Variants in RETREG1 observed in about 807,000 individuals in gnomAD.
The protein encoded by RETREG1 is family with sequence similarity 134 member B.
Under a neutral mutation model 54.8 loss-of-function variants are expected in RETREG1, and 44 were observed. That is an observed-to-expected ratio of 0.80 (90% confidence interval 0.63 to 1.03). RETREG1 has a LOEUF of 1.03. RETREG1 is among the 50% of genes least tolerant of loss of function. RETREG1 has a pLI of 0.00. For synonymous variants in RETREG1, 217 were observed against 238.5 expected, an observed-to-expected ratio of 0.91 and a Z score of 0.83; for missense variants, 554 against 605.1, an observed-to-expected ratio of 0.92 and a Z score of 0.89.
In RETREG1 at chr5:16,483,357, T is replaced by C; in HGVS notation, c.574A>G (p.Ser192Gly). ...ACTGGAAAACTTGCCTTGCCAGGGC[T>C]CTGCTGTTTAAAAAGAGACATTTCT... ...LQEMSLFKQQ[S>G]PGKFCLLVCS... Residue 192 changes from serine to glycine, a missense_variant, in exon 4 of 9, where the codon AGC (serine) becomes GGC (glycine). By Grantham distance (56) the Ser-to-Gly change is moderately conservative (BLOSUM62 0). Transcript: ENST00000306320. The C allele has an allele frequency of 1.2e-6, 2 of 1,613,332 alleles. No individual in the cohort carries two copies. The highest frequency in any genetic ancestry group is 1.7e-6 in the Non-Finnish European group (2 of 1,179,368).
intron 1 of RETREG1, among the ~76,000 whole-genome samples, chr5:16,581,603 C>T (rs1299359276): frequency 3.3e-5 from 5 of 151,796 alleles, no homozygotes; most frequent in South Asian, 2.1e-4. Flanking sequence ...TGTCTTTATC[C>T]GAATTAGCCC....
chr5:16,578,532 C>A (rs1257568013), intron 1 of RETREG1, among the ~76,000 whole-genome samples: 1 of 152,194 alleles, frequency 6.6e-6, no homozygotes. Context: ...GATCCTGACA[C>A]TGGCACGCTG....
Position 16,481,009 on chromosome 5 carries a change from A to G in RETREG1, c.670T>C (p.Leu224=). Residue 224 remains leucine, a splice_region_variant and synonymous_variant, in exon 5 of 9, where the codon TTA becomes CTA. Coordinates refer to ENST00000306320, the MANE Select transcript of RETREG1 (RefSeq NM_001034850.3). ...TAGCCATATGTTCTACTATACTTAC[A>G]CAGTAGATAGCTGAGTATAACCCCA... ...IPGVILSYLL[L]LCAFLCPLFK... 1 of 1,603,648 alleles carries G rather than the reference A, an allele frequency of 6.2e-7. No individual in the cohort carries two copies. Among genetic ancestry groups the G allele is most frequent in the Non-Finnish European group, 8.5e-7 (1 of 1,170,982 alleles).
chr5:16,510,815 CAACAAAAAAAAA>C (rs1740148690), intron 3 of RETREG1, among the ~76,000 whole-genome samples: 1 of 56,392 alleles, frequency 1.8e-5, no homozygotes, highest in Admixed American at 1.9e-4. Flanking sequence ...ACAACAACAA[CAACAAAAAAAAA>C]AAAAAAAAAA....
intron 3 of RETREG1, among the ~76,000 whole-genome samples, chr5:16,541,235 T>C (rs1423213521): frequency 6.6e-6 from 1 of 152,296 alleles, no homozygotes; most frequent in East Asian, 1.9e-4. Flanking sequence ...TGACTGTCAG[T>C]GCCTTGATCT....
In RETREG1 at chr5:16,473,166, C is replaced by G. The variant is rs1298463696; in HGVS notation, c.*1575G>C. ...TCAGAGATTTTCAAACACCAGGTTT[C>G]CATTTGTATTAAAATGGGCAAGATA... On this transcript the variant is annotated 3_prime_UTR_variant, in exon 9 of 9. Transcript: ENST00000306320. 2 of 152,484 alleles carry G rather than the reference C, an allele frequency of 1.3e-5. No individual in the cohort carries two copies. Among genetic ancestry groups the G allele is most frequent in the Non-Finnish European group, 2.9e-5 (2 of 68,000 alleles). The allele number at this position is 152,484 out of a possible 1,614,324, so 9.4% of individuals were successfully genotyped here.
At chr5:16,600,343 A>G (rs1743018510) in intron 1 of RETREG1, among the ~76,000 whole-genome samples, 1 of 152,200 alleles carries the variant, frequency 6.6e-6, no homozygotes, top group Non-Finnish European at 1.5e-5. Context: ...AGATCTTACT[A>G]CCCACCCAGC....
chr5:16,574,291 C>CA (rs1742268797), intron 1 of RETREG1, among the ~76,000 whole-genome samples: 1 of 152,092 alleles, frequency 6.6e-6, no homozygotes, highest in Non-Finnish European at 1.5e-5. Flanking sequence ...AAGACTGTGT[C>CA]AAGCAGAATG....
chr5:16,495,851 T>C (rs1412377098), intron 3 of RETREG1, among the ~76,000 whole-genome samples: 1 of 152,008 alleles, frequency 6.6e-6, no homozygotes, highest in East Asian at 1.9e-4. Flanking sequence ...GGGTATAAGT[T>C]GAGTGCTGAC....
At chr5:16,598,081 C>CCGGTG (rs1742952058) in intron 1 of RETREG1, among the ~76,000 whole-genome samples, 1 of 152,088 alleles carries the variant, frequency 6.6e-6, no homozygotes, top group African/African-American at 2.4e-5. Context: ...CACCTCCCGA[C>CCGGTG]CACACGGAAC....
At chr5:16,505,149 C>A (rs765382260) in intron 3 of RETREG1, among the ~76,000 whole-genome samples, 2 of 152,158 alleles carry the variant, frequency 1.3e-5, no homozygotes, top group African/African-American at 2.4e-5. Context: ...CGGAGTCCAG[C>A]GATCACAAAA....
intron 3 of RETREG1, 94 bp downstream of exon 3, chr5:16,565,669 C>T (rs1741985067): frequency 2.3e-6 from 3 of 1,314,148 alleles, no homozygotes; most frequent in Non-Finnish European, 3.3e-6. Context: ...AGATTCCTGT[C>T]ACTAAAATTC....
chr5:16,481,195 G>T, intron 4 of RETREG1, 102 bp from the exon 5 acceptor site: 1 of 887,538 alleles, frequency 1.1e-6, no homozygotes, highest in Non-Finnish European at 1.8e-6. Flanking sequence ...ACCGGTATAA[G>T]TGACCTATCT....
chr5:16,591,132 A>C (rs2126341298), intron 1 of RETREG1, among the ~76,000 whole-genome samples: 1 of 152,356 alleles, frequency 6.6e-6, no homozygotes, highest in South Asian at 2.1e-4. Context: ...CTTAGGCTGA[A>C]GTTTAGCCCA....
chr5:16,512,731 G>A (rs769218158), intron 3 of RETREG1, among the ~76,000 whole-genome samples: 14 of 152,066 alleles, frequency 9.2e-5, no homozygotes, highest in South Asian at 6.2e-4. Flanking sequence ...GTGAAGACAG[G>A]TTGTCTCTTC....
chr5:16,539,350 T>A (rs1393517759), intron 3 of RETREG1, among the ~76,000 whole-genome samples: 13 of 152,116 alleles, frequency 8.5e-5, no homozygotes, highest in Admixed American at 6.5e-5. Context: ...TGATGGGCCA[T>A]GAAACACACC....
At chr5:16,604,496 CAAA>C (rs1287657014) in intron 1 of RETREG1, among the ~76,000 whole-genome samples, 1 of 152,186 alleles carries the variant, frequency 6.6e-6, no homozygotes, top group Non-Finnish European at 1.5e-5. Context: ...ACGAAATTGT[CAAA>C]AGAAGAATGG....
At chr5:16,546,341 C>T (rs1741388125) in intron 3 of RETREG1, among the ~76,000 whole-genome samples, 2 of 152,100 alleles carry the variant, frequency 1.3e-5, no homozygotes, top group African/African-American at 2.4e-5. Flanking sequence ...GCTAATTTTT[C>T]GTTTTTTGTA....
intron 3 of RETREG1, among the ~76,000 whole-genome samples, chr5:16,490,567 A>G (rs1739204344): frequency 6.6e-6 from 1 of 152,188 alleles, no homozygotes; most frequent in Non-Finnish European, 1.5e-5. Context: ...TAAACTTACT[A>G]TCTTATAAAC....
Sources: allele counts gnomAD v4.1 joint callset (sites outside exome capture counted in the v4.1 genomes callset), GRCh38; gene constraint gnomAD v4.1.1; transcripts MANE v1.5; gene names NCBI Gene and HGNC (gene_info 2026-07-23, HGNC 2026-07-21).